MCCC1: variants seen among roughly 807,000 people sequenced by gnomAD.
MCCC1 encodes the protein methylcrotonyl-CoA carboxylase subunit 1.
Under a neutral mutation model 83.8 loss-of-function variants are expected in MCCC1, and 64 were observed. The ratio of observed to expected loss-of-function variants is 0.76; its 90% CI spans 0.62 to 0.94. MCCC1 has a LOEUF of 0.94. Among genes scored for constraint, MCCC1 ranks in the 40% least tolerant of loss-of-function variants. The pLI, the probability that MCCC1 is intolerant of heterozygous loss-of-function variation, is 0.00. For missense variants in MCCC1, 807 were observed against 904.7 expected (o/e 0.89, Z 1.39); for synonymous variants, 322 against 315.4 (o/e 1.02, Z -0.22).
intron 1 of MCCC1, among the ~76,000 whole-genome samples, chr3:183,095,580 T>G (rs1718679453): frequency 1.3e-5 from 2 of 152,102 alleles, no homozygotes; most frequent in South Asian, 4.1e-4. Flanking sequence ...TCATTATTAC[T>G]CTCCTAATGA....
intron 7 of MCCC1, among the ~76,000 whole-genome samples, chr3:183,068,333 T>C (rs1716404968): frequency 6.6e-6 from 1 of 152,158 alleles, no homozygotes; most frequent in African/African-American, 2.4e-5. Context: ...TAAATCCCAC[T>C]AAAACCAAGA....
Position 183,024,701 on chromosome 3 carries a change from CTG to C in MCCC1, c.1731+1052_1731+1053del, listed in dbSNP as rs1478396920. 2.6e-5 allele frequency among the ~76,000 whole-genome samples: 4 copies of C among 151,956 alleles called. No homozygotes were observed. In the East Asian group the frequency reaches 7.7e-4, roughly 29 times the overall value. On this transcript the variant is annotated intron_variant, in intron 15 of 18. Coordinates refer to ENST00000265594, the MANE Select transcript of MCCC1 (RefSeq NM_020166.5). ...GAGCCATTGTGCACTGTTGATGGGA[CTG>C]TAAACTGCTACAGCTGCAATGGAAA...
chr3:183,071,791 T>A (rs566458397), intron 5 of MCCC1, among the ~76,000 whole-genome samples: 1 of 151,788 alleles, frequency 6.6e-6, no homozygotes, highest in East Asian at 1.9e-4. Flanking sequence ...AGCCTTAAAC[T>A]TCTGAGCTCA....
upstream of MCCC1, among the ~76,000 whole-genome samples, chr3:183,101,025 G>A (rs1719229472): frequency 6.6e-6 from 1 of 152,278 alleles, no homozygotes; most frequent in African/African-American, 2.4e-5. Flanking sequence ...CGGGCAATGG[G>A]GGACTTAGCA....
At chr3:183,079,505 C>T (rs1717331047) in intron 4 of MCCC1, among the ~76,000 whole-genome samples, 1 of 152,200 alleles carries the variant, frequency 6.6e-6, no homozygotes, top group Admixed American at 6.5e-5. Context: ...GGTGGGTTCC[C>T]ATGGTCTTGG....
At chr3:183,092,628 A>G (rs1718450196) in intron 2 of MCCC1, 83 bp from the exon 3 acceptor site, 3 of 1,563,090 alleles carry the variant, frequency 1.9e-6, no homozygotes, top group Non-Finnish European at 2.6e-6. Flanking sequence ...TAACTGGCTG[A>G]TAAGGACTCG....
At chr3:183,018,098 A>T (rs941569303) in intron 17 of MCCC1, among the ~76,000 whole-genome samples, 34 of 151,478 alleles carry the variant, frequency 2.2e-4, no homozygotes, top group African/African-American at 8.1e-4. Flanking sequence ...GTCAAATAAG[A>T]GGCCTACAGG....
chr3:183,107,104 C>T (rs1043596695), intron 1 of MCCC1, among the ~76,000 whole-genome samples: 19 of 151,934 alleles, frequency 1.3e-4, no homozygotes, highest in African/African-American at 4.6e-4. Flanking sequence ...ACAATTGTTC[C>T]AAAAGAAAAC....
chr3:183,094,917 T>TG (rs1718630422), intron 1 of MCCC1, among the ~76,000 whole-genome samples: 1 of 152,166 alleles, frequency 6.6e-6, no homozygotes, highest in South Asian at 2.1e-4. Flanking sequence ...TTGAAACCTT[T>TG]TTGGCTACAA....
chr3:183,055,738 A>C (rs896924452), intron 8 of MCCC1, among the ~76,000 whole-genome samples: 5 of 152,034 alleles, frequency 3.3e-5, no homozygotes, highest in African/African-American at 9.7e-5. Context: ...TCTACAATAC[A>C]TTAAAAAAAA....
At chr3:183,115,204 T>A (rs1381054642) in intron 1 of MCCC1, among the ~76,000 whole-genome samples, 1 of 152,110 alleles carries the variant, frequency 6.6e-6, no homozygotes. Flanking sequence ...CTAAAACACA[T>A]CAATTCAACA....
intron 9 of MCCC1, among the ~76,000 whole-genome samples, chr3:183,047,251 G>A (rs949289336): frequency 1.3e-5 from 2 of 152,112 alleles, no homozygotes; most frequent in African/African-American, 4.8e-5. Flanking sequence ...CACCCTAAGG[G>A]GTGGGGGAAA....
At chr3:183,090,905 G>A in intron 3 of MCCC1, 3 of 441,406 alleles carry the variant, frequency 6.8e-6, no homozygotes, top group Non-Finnish European at 1.4e-5. Context: ...TTCTTAAAAA[G>A]ACAAGAAGAG....
At chr3:183,083,639 G>A (rs1335204457) in intron 4 of MCCC1, among the ~76,000 whole-genome samples, 2 of 152,100 alleles carry the variant, frequency 1.3e-5, no homozygotes. Context: ...ATAGGTACAA[G>A]CTTGATAAAG....
Position 183,037,299 on chromosome 3 carries a change from T to C in MCCC1, c.1513A>G (p.Lys505Glu), listed in dbSNP as rs767660305. The C allele has an allele frequency of 1.1e-5, 17 of 1,614,134 alleles. No homozygotes were observed. The South Asian group carries it at 1.8e-4, about 17-fold the overall frequency. Residue 505 changes from lysine to glutamate, a missense_variant, in exon 13 of 19, where the codon AAA becomes GAA. By Grantham distance (56) the Lys-to-Glu change is moderately conservative. Transcript: ENST00000265594. ...QLLLSRKAAA[K>E]ESLCQAALGL... ...AGGGCTGCCTGGCATAAAGACTCTT[T>C]GGCTGCAGCCTTCCGACTGAGCAAC... is the stretch of plus-strand genomic sequence containing the variant.
chr3:183,079,196 C>T (rs1717305739), intron 4 of MCCC1, among the ~76,000 whole-genome samples: 1 of 152,224 alleles, frequency 6.6e-6, no homozygotes. Context: ...AACAGTCCCT[C>T]AAAGTCTTAA....
At chr3:183,092,316 A>G (rs1445439885) in intron 3 of MCCC1, 93 bp downstream of exon 3, 1 of 1,527,570 alleles carries the variant, frequency 6.5e-7, no homozygotes, top group African/African-American at 1.4e-5. Context: ...CCCTGATAAC[A>G]CTAGCAAATA....
intron 18 of MCCC1, 55 bp downstream of exon 18, chr3:183,017,211 T>C: frequency 1.4e-6 from 2 of 1,449,448 alleles, no homozygotes; most frequent in Admixed American, 3.3e-5. Context: ...AAAAGAACCA[T>C]TAGGTATGAT....
Position 183,111,814 on chromosome 3 carries a change from G to A in MCCC1, c.-102+3660C>T, listed in dbSNP as rs370556716. On this transcript the variant is annotated intron_variant, in intron 1 of 17. Coordinates refer to the MCCC1 transcript ENST00000492597. ...GAAATTTGAACCTGTGCCTCAGTGC[G>A]AGACCACACTCCCTACACTGTGCCA... Among the ~76,000 whole-genome samples the A allele has an allele frequency of 1.3e-4, 20 of 152,020 alleles. No individual in the cohort carries two copies. The South Asian group carries it at 1.9e-3, about 14-fold the overall frequency.
Sources: allele counts gnomAD v4.1 joint callset (sites outside exome capture counted in the v4.1 genomes callset), GRCh38; gene constraint gnomAD v4.1.1; transcripts MANE v1.5; gene names NCBI Gene and HGNC (gene_info 2026-07-23, HGNC 2026-07-21).